GLO1: variants seen among roughly 807,000 people sequenced by gnomAD.
GLO1 encodes the protein lactoylglutathione lyase.
In GLO1, 28 loss-of-function variants were observed where a neutral mutation model predicts 26.0. The ratio of observed to expected loss-of-function variants is 1.08; its 90% confidence interval spans 0.80 to 1.48. The LOEUF (loss-of-function observed/expected upper bound fraction) is 1.48, where lower values mean the gene tolerates loss of function less well. GLO1 is among the 40% of genes most tolerant of loss of function. GLO1 has a pLI of 0.00. For synonymous variants in GLO1, 78 were observed against 77.6 expected, an observed-to-expected ratio of 1.00 and a Z score of -0.03; for missense variants, 225 against 224.8, an observed-to-expected ratio of 1.00 and a Z score of -0.01.
chr6:38,694,331 G>GCTGAGTTCTT (rs1198617144), intron 1 of GLO1, among the ~76,000 whole-genome samples: 1 of 152,104 alleles, frequency 6.6e-6, no homozygotes, highest in Non-Finnish European at 1.5e-5. Flanking sequence ...TGATGGTATT[G>GCTGAGTTCTT]CTGAGTTCTT....
intron 1 of GLO1, among the ~76,000 whole-genome samples, chr6:38,694,843 A>G (rs921633826): frequency 6.6e-6 from 1 of 152,252 alleles, no homozygotes; most frequent in East Asian, 1.9e-4. Flanking sequence ...CTCTTTTATC[A>G]CTGTATAATG....
At chr6:38,701,990 G>A (rs920024354) in intron 1 of GLO1, among the ~76,000 whole-genome samples, 1 of 150,768 alleles carries the variant, frequency 6.6e-6, no homozygotes. Context: ...GAGTGCAGTG[G>A]CACGATCTCA....
intron 5 of GLO1, 77 bp from the exon 6 acceptor site, chr6:38,677,460 A>G (rs1274394939): frequency 2.7e-6 from 2 of 743,898 alleles, no homozygotes; most frequent in Non-Finnish European, 4.8e-6. Flanking sequence ...TCTTTGAGAC[A>G]AGGTCTTGCT....
chr6:38,689,559 G>A (rs1264328324), intron 1 of GLO1, among the ~76,000 whole-genome samples: 2 of 152,132 alleles, frequency 1.3e-5, no homozygotes. Context: ...ACTTGCCAAA[G>A]TTAGACAACC....
intron 5 of GLO1, among the ~76,000 whole-genome samples, chr6:38,679,157 C>T (rs1761324700): frequency 6.6e-6 from 1 of 152,150 alleles, no homozygotes; most frequent in Non-Finnish European, 1.5e-5. Context: ...CTTGCTCTGT[C>T]GTTTATACTG....
At chr6:38,695,760 G>A (rs1311770457) in intron 1 of GLO1, among the ~76,000 whole-genome samples, 1 of 152,184 alleles carries the variant, frequency 6.6e-6, no homozygotes, top group Admixed American at 6.5e-5. Context: ...TTGGAGTAGA[G>A]CAGTTATTGT....
intron 2 of GLO1, among the ~76,000 whole-genome samples, 183 bp from the exon 3 acceptor site, chr6:38,684,697 A>G (rs1761437401): frequency 6.6e-6 from 1 of 152,234 alleles, no homozygotes; most frequent in Non-Finnish European, 1.5e-5. Flanking sequence ...GCATCTGTAA[A>G]TATTTGAAAT....
chr6:38,692,896 A>G (rs1230267006), intron 1 of GLO1, among the ~76,000 whole-genome samples: 1 of 150,468 alleles, frequency 6.6e-6, no homozygotes, highest in Non-Finnish European at 1.5e-5. Context: ...GTTAAGGTGT[A>G]TAATTCTTTC....
chr6:38,682,322 T>C lies in GLO1; in HGVS notation c.377-221A>G, dbSNP rs112040472. 1.5e-4 allele frequency among the ~76,000 whole-genome samples: 23 copies of C among 152,310 alleles called. 1 individual carries two copies. The highest frequency in any genetic ancestry group is 5.5e-4 in the African/African-American group (23 of 41,576). On this transcript the variant is annotated intron_variant, in intron 4 of 5. Coordinates refer to ENST00000373365, the MANE Select transcript of GLO1 (RefSeq NM_006708.3). ...TTAGTTGCCTTGAATTATAAATTAT[T>C]TAAAATTAATCAATATCAGCTCATA...
chr6:38,680,755 G>C (rs1014139673), intron 5 of GLO1, among the ~76,000 whole-genome samples: 2 of 152,060 alleles, frequency 1.3e-5, no homozygotes, highest in Non-Finnish European at 2.9e-5. Flanking sequence ...GCTGGGTGTG[G>C]TGGCATGTGC....
At chr6:38,695,766 A>G (rs1382133555) in intron 1 of GLO1, among the ~76,000 whole-genome samples, 1 of 152,030 alleles carries the variant, frequency 6.6e-6, no homozygotes, top group Non-Finnish European at 1.5e-5. Flanking sequence ...TAGAGCAGTT[A>G]TTGTCTAAAA....
chr6:38,696,306 A>C (rs1761610453), intron 1 of GLO1, among the ~76,000 whole-genome samples: 1 of 151,438 alleles, frequency 6.6e-6, no homozygotes. Flanking sequence ...TTTCTCTAGA[A>C]GTATTACTAG....
chr6:38,693,685 C>CTCTCTATATATATATATA (rs869232489), intron 1 of GLO1, among the ~76,000 whole-genome samples: 51 of 86,408 alleles, frequency 5.9e-4, no homozygotes, highest in East Asian at 1.2e-3. Context: ...CTCTCTCTCT[C>CTCTCTATATATATATATA]TATATATATA....
At chr6:38,688,621 T>G (rs1761488857) in intron 1 of GLO1, among the ~76,000 whole-genome samples, 1 of 152,172 alleles carries the variant, frequency 6.6e-6, no homozygotes, top group Non-Finnish European at 1.5e-5. Context: ...GTATGATCTG[T>G]CAGGCCCGAC....
At chr6:38,693,839 T>C (rs903780603) in intron 1 of GLO1, among the ~76,000 whole-genome samples, 2 of 151,894 alleles carry the variant, frequency 1.3e-5, no homozygotes, top group South Asian at 2.1e-4. Flanking sequence ...GCCTCCCGAG[T>C]AGCTGGGACT....
chr6:38,694,454 GGATT>G (rs1326232606), intron 1 of GLO1, among the ~76,000 whole-genome samples: 2 of 152,104 alleles, frequency 1.3e-5, no homozygotes, highest in Non-Finnish European at 2.9e-5. Context: ...CGAGGTGGCT[GGATT>G]GCTTGAGCCC....
At chr6:38,696,715 C>T (rs1020544398) in intron 1 of GLO1, among the ~76,000 whole-genome samples, 3 of 152,184 alleles carry the variant, frequency 2.0e-5, no homozygotes, top group African/African-American at 7.2e-5. Flanking sequence ...CAGACCATAG[C>T]ACCTTTATTA....
chr6:38,697,312 AG>A (rs1761627163), intron 1 of GLO1, among the ~76,000 whole-genome samples: 1 of 152,238 alleles, frequency 6.6e-6, no homozygotes, highest in South Asian at 2.1e-4. Flanking sequence ...GGTATCTGTT[AG>A]GAAAACACAG....
intron 1 of GLO1, among the ~76,000 whole-genome samples, chr6:38,700,702 A>C (rs1229207133): frequency 6.6e-6 from 1 of 152,102 alleles, no homozygotes; most frequent in Non-Finnish European, 1.5e-5. Context: ...TGTTTATCCC[A>C]GTATCCCCAA....
Sources: allele counts gnomAD v4.1 joint callset (sites outside exome capture counted in the v4.1 genomes callset), GRCh38; gene constraint gnomAD v4.1.1; transcripts MANE v1.5; gene names NCBI Gene and HGNC (gene_info 2026-07-23, HGNC 2026-07-21).